Variants in ULK4 observed in about 807,000 individuals in gnomAD.
The protein encoded by ULK4 is inactive serine/threonine-protein kinase ULK4.
Under a neutral mutation model 160.6 loss-of-function variants are expected in ULK4, and 133 were observed. The ratio of observed to expected loss-of-function variants is 0.83; its 90% CI spans 0.72 to 0.96. The LOEUF (loss-of-function observed/expected upper bound fraction) is 0.96, where lower values mean the gene tolerates loss of function less well. Among genes scored for constraint, ULK4 ranks in the 40% least tolerant of loss-of-function variants. ULK4 has a pLI of 0.00. For synonymous variants in ULK4, 534 were observed against 539.8 expected (o/e 0.99, Z 0.15); for missense variants, 1,580 against 1,499.5 (o/e 1.05, Z -0.89).
Position 41,334,490 on chromosome 3 carries a change from A to G in ULK4, c.3678+63589T>C, listed in dbSNP as rs1377724177. 2.6e-5 allele frequency among the ~76,000 whole-genome samples: 4 copies of G among 152,146 alleles called. No individual in the cohort carries two copies. The East Asian group carries it at 7.7e-4, about 29-fold the overall frequency. On this transcript the variant is annotated intron_variant, in intron 35 of 36. Coordinates refer to ENST00000301831, the MANE Select transcript of ULK4 (RefSeq NM_017886.4). ...TATGGGCTATTTTTCTGCACAGGCC[A>G]TGTGGGAAAAAAATTGGTACACATA...
intron 27 of ULK4, among the ~76,000 whole-genome samples, chr3:41,687,025 G>A (rs993543776): frequency 2.0e-5 from 3 of 152,060 alleles, no homozygotes; most frequent in African/African-American, 7.2e-5. Context: ...CGAGGTTACA[G>A]TGAGCTATGA....
At chr3:41,877,171 C>T (rs1158694969) in intron 17 of ULK4, among the ~76,000 whole-genome samples, 7 of 152,026 alleles carry the variant, frequency 4.6e-5, no homozygotes, top group Admixed American at 3.3e-4. Flanking sequence ...TAAAACTCAG[C>T]GTTTTGACTG....
chr3:41,477,146 C>G (rs2084168957), intron 32 of ULK4, among the ~76,000 whole-genome samples: 1 of 152,140 alleles, frequency 6.6e-6, no homozygotes, highest in Non-Finnish European at 1.5e-5. Flanking sequence ...AATTATTTTG[C>G]ATTAATTATA....
intron 19 of ULK4, among the ~76,000 whole-genome samples, chr3:41,805,678 G>C (rs2040620588): frequency 6.6e-6 from 1 of 151,462 alleles, no homozygotes; most frequent in Non-Finnish European, 1.5e-5. Flanking sequence ...AATTTATTGA[G>C]AGTTTTTAGC....
At chr3:41,523,909 T>C (rs1442651411) in intron 32 of ULK4, among the ~76,000 whole-genome samples, 2 of 152,108 alleles carry the variant, frequency 1.3e-5, no homozygotes, top group Non-Finnish European at 2.9e-5. Flanking sequence ...ATAAACAAAA[T>C]GTAGTATATC....
At chr3:41,310,805 C>T (rs982921692) in intron 35 of ULK4, among the ~76,000 whole-genome samples, 1 of 152,058 alleles carries the variant, frequency 6.6e-6, no homozygotes, top group East Asian at 1.9e-4. Context: ...CCAACATGGG[C>T]GACGTGGCAA....
At chr3:41,863,093 G>A (rs1226575435) in intron 17 of ULK4, among the ~76,000 whole-genome samples, 2 of 152,094 alleles carry the variant, frequency 1.3e-5, no homozygotes, top group Non-Finnish European at 2.9e-5. Context: ...CAGGAGTCAG[G>A]GACTAGAGTC....
intron 2 of ULK4, among the ~76,000 whole-genome samples, chr3:41,950,064 T>C (rs1370110893): frequency 2.0e-5 from 3 of 151,750 alleles, no homozygotes; most frequent in Non-Finnish European, 2.9e-5. Flanking sequence ...TTGATGCAGG[T>C]ACTGGCAAAA....
chr3:41,491,023 G>A (rs905745206), intron 32 of ULK4, among the ~76,000 whole-genome samples: 1 of 152,134 alleles, frequency 6.6e-6, no homozygotes, highest in Non-Finnish European at 1.5e-5. Context: ...ATAAAAGATG[G>A]AATACAAGAT....
At chr3:41,782,824 T>C (rs967890822) in intron 21 of ULK4, among the ~76,000 whole-genome samples, 5 of 152,208 alleles carry the variant, frequency 3.3e-5, no homozygotes, top group Non-Finnish European at 5.9e-5. Flanking sequence ...ATGTTCTCCC[T>C]GGCAAATCAA....
Position 41,754,419 on chromosome 3 carries a change from C to T in ULK4, c.2263G>A (p.Val755Ile). ...STCIRAKAFL[V>I]LLYILIYNRE... ...TTATAAATCAAAATATATAGAAGAA[C>T]CAGGAAGGCTTTTGCTCTAATGCAT... The change falls in exon 22 of 37, where the codon GTT becomes ATT. Residue 755 changes from valine to isoleucine, a missense_variant. By Grantham distance (29) the Val-to-Ile change is conservative. Transcript: ENST00000301831. 1.2e-6 allele frequency: 2 copies of T among 1,613,458 alleles called. No homozygotes were observed. Among genetic ancestry groups the T allele is most frequent in the Non-Finnish European group, 1.7e-6 (2 of 1,179,790 alleles).
intron 29 of ULK4, among the ~76,000 whole-genome samples, chr3:41,671,550 T>G (rs1000633351): frequency 6.6e-6 from 1 of 152,064 alleles, no homozygotes. Flanking sequence ...TCCAGAAGAA[T>G]GAAACTGGAC....
At chr3:41,896,775 T>C in intron 15 of ULK4, 47 bp downstream of exon 15, 1 of 1,538,332 alleles carries the variant, frequency 6.5e-7, no homozygotes, top group Non-Finnish European at 8.7e-7. Context: ...TTTGAGCCTC[T>C]ATAAAAACAC....
chr3:41,562,958 A>C (rs2087649607), intron 32 of ULK4, among the ~76,000 whole-genome samples: 1 of 152,176 alleles, frequency 6.6e-6, no homozygotes, highest in African/African-American at 2.4e-5. Flanking sequence ...CATAGCATCG[A>C]TGGTGTTTGC....
chr3:41,690,184 C>T (rs1344036611), intron 27 of ULK4, among the ~76,000 whole-genome samples: 16 of 149,002 alleles, frequency 1.1e-4, no homozygotes, highest in African/African-American at 3.0e-4. Context: ...AGTAAACTAT[C>T]GCAAGAACAA....
intron 17 of ULK4, among the ~76,000 whole-genome samples, chr3:41,863,991 T>G (rs1470622719): frequency 3.3e-5 from 5 of 152,028 alleles, no homozygotes; most frequent in Admixed American, 6.6e-5. Context: ...GTCCACTGTC[T>G]CTGGGCCTAA....
rs1253604750 is a variant in ULK4 at position 41,688,467 on chromosome 3, A to G, written c.2782-6663T>C. ...ATATATGAGTAAACCAAATAGCTAA[A>G]AAGTTTTCTTGGGGCCACTTTTTAC... On this transcript the variant is annotated intron_variant, in intron 27 of 36. Coordinates refer to ENST00000301831, the MANE Select transcript of ULK4 (RefSeq NM_017886.4). Among the ~76,000 whole-genome samples the G allele has an allele frequency of 2.0e-5, 3 of 152,312 alleles. No homozygotes were observed. The South Asian group carries it at 6.2e-4, about 32-fold the overall frequency.
At chr3:41,703,247 C>T (rs1026473624) in intron 27 of ULK4, among the ~76,000 whole-genome samples, 46 of 131,802 alleles carry the variant, frequency 3.5e-4, no homozygotes, top group African/African-American at 1.2e-3. Context: ...ATTTTTTTTT[C>T]AAACATACAG....
At chr3:41,923,405 C>T (rs1050811797) in intron 5 of ULK4, among the ~76,000 whole-genome samples, 1 of 151,946 alleles carries the variant, frequency 6.6e-6, no homozygotes, top group Admixed American at 6.6e-5. Context: ...AGACTGAGAC[C>T]AGAGAATTGC....
Sources: gnomAD v4.1 joint callset for allele counts (sites outside exome capture counted in the v4.1 genomes callset) on GRCh38, gnomAD v4.1.1 for gene constraint, MANE v1.5 for transcripts, NCBI Gene and HGNC (gene_info 2026-07-23, HGNC 2026-07-21) for gene names.